The following PFKFB3 variants were observed in gnomAD, a reference collection of about 807,000 sequenced individuals.
PFKFB3 encodes the protein 6-phosphofructo-2-kinase/fructose-2,6-biphosphatase 3, also known as 6-phosphofructo-2-kinase/fructose-2,6-bisphosphatase 3.
PFKFB3 carries 33 observed loss-of-function variants against 68.0 expected under a neutral mutation model. That is an observed-to-expected ratio of 0.49 (90% CI 0.37 to 0.65). PFKFB3 has a LOEUF of 0.65. Ranked by LOEUF, PFKFB3 falls within the 30% of genes least tolerant of loss-of-function variation. The probability of loss-of-function intolerance (pLI) is 0.00; values close to 1 mark genes in which losing one functional copy is unlikely to be tolerated. For synonymous variants in PFKFB3, 315 were observed against 288.2 expected (o/e 1.09, Z -0.94); for missense variants, 586 against 712.2 (o/e 0.82, Z 2.02).
chr10:6,186,998 G>A (rs1461806347), intron 1 of PFKFB3, among the ~76,000 whole-genome samples: 7 of 152,038 alleles, frequency 4.6e-5, no homozygotes, highest in South Asian at 2.1e-4. Flanking sequence ...GAGGTGTGCC[G>A]CCACGACTGA....
the PFKFB3 span, among the ~76,000 whole-genome samples, chr10:6,310,291 A>AT: frequency 1.5e-4 from 22 of 151,192 alleles, no homozygotes; most frequent in African/African-American, 4.6e-4. Flanking sequence ...TCTCGTTGGG[A>AT]TTTTTTTTTC....
chr10:6,192,371 T>C (rs1418206011), intron 1 of PFKFB3, among the ~76,000 whole-genome samples: 27 of 148,846 alleles, frequency 1.8e-4, no homozygotes, highest in Non-Finnish European at 3.0e-4. Context: ...TTCTTCTTTT[T>C]TTTTTTTTTT....
At chr10:6,323,770 G>A in the PFKFB3 span, among the ~76,000 whole-genome samples, 3 of 152,160 alleles carry the variant, frequency 2.0e-5, no homozygotes, top group South Asian at 2.1e-4. Context: ...TGTATTGGCC[G>A]AGATGTAGAG....
In PFKFB3 at chr10:6,203,156, G is replaced by A; in HGVS notation, c.-105G>A. 1 of 1,509,458 alleles carries A rather than the reference G, an allele frequency of 6.6e-7. No individual in the cohort carries two copies. The highest frequency in any genetic ancestry group is 8.8e-7 in the Non-Finnish European group (1 of 1,131,496). 93.5% of individuals were successfully genotyped at this position (1,509,458 alleles called of 1,614,324 possible). A position where few individuals can be genotyped will look rare whatever the true frequency, so the allele number is the denominator to read the frequency against. On this transcript the variant is annotated 5_prime_UTR_variant, in exon 1 of 15. Transcript: ENST00000379775. ...GCAGGAAACGCCCGGCCGCGCGCCG[G>A]CGCACGCCCCCCTCTCCTCCTTTGT...
At chr10:6,226,468 G>A in intron 14 of PFKFB3, 103 bp downstream of exon 14, 1 of 1,042,188 alleles carries the variant, frequency 9.6e-7, no homozygotes, top group Non-Finnish European at 1.4e-6. Flanking sequence ...TACGTGCGTG[G>A]GTGCGTGTGG....
chr10:6,164,267 G>A (rs1480315822), intron 1 of PFKFB3, among the ~76,000 whole-genome samples: 2 of 152,158 alleles, frequency 1.3e-5, no homozygotes, highest in Non-Finnish European at 2.9e-5. Flanking sequence ...CCCCAGTGTG[G>A]GACACAGACT....
the PFKFB3 span, among the ~76,000 whole-genome samples, chr10:6,286,108 G>A: frequency 2.0e-5 from 3 of 151,030 alleles, no homozygotes; most frequent in African/African-American, 7.3e-5. Context: ...CTCCCGAGTA[G>A]CTGGGACTAC....
the PFKFB3 span, among the ~76,000 whole-genome samples, chr10:6,266,377 G>A: frequency 0.024 from 3,665 of 152,176 alleles, 78 homozygotes; most frequent in Non-Finnish European, 0.037. Flanking sequence ...TGAGGACGTC[G>A]TTGATTTCTA....
At chr10:6,322,108 G>A in the PFKFB3 span, among the ~76,000 whole-genome samples, 105 of 152,212 alleles carry the variant, frequency 6.9e-4, no homozygotes, top group African/African-American at 2.3e-3. Context: ...ACTCACAGGC[G>A]ACTCAAACGG....
At chr10:6,223,172 T>G (rs1490463300) in intron 11 of PFKFB3, among the ~76,000 whole-genome samples, 188 bp downstream of exon 11, 2 of 152,198 alleles carry the variant, frequency 1.3e-5, no homozygotes, top group Non-Finnish European at 2.9e-5. Context: ...CTTGAAGCCC[T>G]TGGGAAATGC....
In PFKFB3 at chr10:6,220,744, A is replaced by G. The variant is rs746543536; in HGVS notation, c.710A>G (p.Tyr237Cys). Residue 237 changes from tyrosine to cysteine, a missense_variant, in exon 8 of 15, where the codon TAC (tyrosine) becomes TGC (cysteine). Tyr to Cys is a radical substitution (Grantham distance 194). Coordinates refer to ENST00000379775, the MANE Select transcript of PFKFB3 (RefSeq NM_004566.4). This position sits in a 1 kb window ranked among gnomAD's most constrained non-coding sequence, Gnocchi z 4.1. Reference protein sequence around the residue: ...VQDHIQSRIVYYLMNIHVQPR... With the variant: ...VQDHIQSRIVCYLMNIHVQPR... ...GACCACATCCAGAGCCGCATCGTGTACTACCTGATGAACATCCACGTGCAG... is the reference window on the plus strand; with the variant it reads ...GACCACATCCAGAGCCGCATCGTGTGCTACCTGATGAACATCCACGTGCAG... The G allele has an allele frequency of 6.2e-7, 1 of 1,613,992 alleles. No homozygotes were observed. The highest frequency in any genetic ancestry group is 8.5e-7 in the Non-Finnish European group (1 of 1,180,006).
At chr10:6,161,918 C>T (rs1841986198) in intron 1 of PFKFB3, among the ~76,000 whole-genome samples, 1 of 152,182 alleles carries the variant, frequency 6.6e-6, no homozygotes, top group Non-Finnish European at 1.5e-5. Context: ...CCATCTTCAA[C>T]ATTTTTAAGT....
chr10:6,228,322 A>G lies in PFKFB3; in HGVS notation c.1515+1957A>G. 8.0e-7 allele frequency: 1 copy of G among 1,249,948 alleles called. No individual in the cohort carries two copies. Among genetic ancestry groups the G allele is most frequent in the Non-Finnish European group, 1.2e-6 (1 of 852,170 alleles). 77.4% of individuals were successfully genotyped at this position (1,249,948 alleles called of 1,614,324 possible). ...TATTGAGGATGAGAGCAGTTTTGTGATGTGAGGTCTTCCGTGGGGGAAGGA... is the reference window on the plus strand; with the variant it reads ...TATTGAGGATGAGAGCAGTTTTGTGGTGTGAGGTCTTCCGTGGGGGAAGGA... On this transcript the variant is annotated intron_variant, in intron 14 of 14. Coordinates refer to ENST00000379775, the MANE Select transcript of PFKFB3 (RefSeq NM_004566.4). This position sits in a 1 kb window ranked among gnomAD's most constrained non-coding sequence, Gnocchi z 4.5.
chr10:6,271,455 G>T, the PFKFB3 span, among the ~76,000 whole-genome samples: 1 of 152,324 alleles, frequency 6.6e-6, no homozygotes, highest in African/African-American at 2.4e-5. Context: ...AGGATGAAGA[G>T]CCTGGTAGCA....
chr10:6,164,377 T>C (rs1341422964), intron 1 of PFKFB3, among the ~76,000 whole-genome samples: 1 of 151,746 alleles, frequency 6.6e-6, no homozygotes, highest in Non-Finnish European at 1.5e-5. Flanking sequence ...GGGTGAAGGG[T>C]CAGGAAATAA....
chr10:6,268,494 G>A, the PFKFB3 span, among the ~76,000 whole-genome samples: 8 of 151,860 alleles, frequency 5.3e-5, no homozygotes, highest in Admixed American at 1.3e-4. Flanking sequence ...GGATGTTTGC[G>A]TGCACCTGTA....
chr10:6,199,147 C>T (rs1843252806), upstream of PFKFB3, among the ~76,000 whole-genome samples: 2 of 152,284 alleles, frequency 1.3e-5, no homozygotes, highest in African/African-American at 4.8e-5. Flanking sequence ...GGATTTTTCT[C>T]AAGAGCAAAT....
At chr10:6,149,856 T>C (rs1399755179) in intron 1 of PFKFB3, 2 of 152,434 alleles carry the variant, frequency 1.3e-5, no homozygotes, top group African/African-American at 2.4e-5. Context: ...CCAAACAAGC[T>C]CTCAAAATGC....
chr10:6,266,786 A>G, the PFKFB3 span, among the ~76,000 whole-genome samples: 5 of 152,258 alleles, frequency 3.3e-5, no homozygotes, highest in African/African-American at 1.2e-4. Flanking sequence ...TCAAAACAGC[A>G]ACAGCAGAGC....
Sources: allele counts gnomAD v4.1 joint callset (sites outside exome capture counted in the v4.1 genomes callset), GRCh38; gene constraint gnomAD v4.1.1; non-coding constraint Gnocchi (gnomAD v3.1); transcripts MANE v1.5; gene names NCBI Gene and HGNC (gene_info 2026-07-23, HGNC 2026-07-21).